PRPH: variants seen among roughly 807,000 people sequenced by gnomAD.
PRPH encodes peripherin.
In PRPH, 48 loss-of-function variants were observed where a neutral mutation model predicts 52.6. The observed-to-expected ratio is 0.91, with a 90% CI of 0.72 to 1.16. PRPH has a LOEUF of 1.16. Among genes scored for constraint, PRPH ranks in the 50% most tolerant of loss-of-function variants. The pLI, the probability that PRPH is intolerant of heterozygous loss-of-function variation, is 0.00. For missense variants in PRPH, 579 were observed against 635.7 expected (o/e 0.91, Z 0.96); for synonymous variants, 279 against 283.8 (o/e 0.98, Z 0.17).
At chr12:49,295,844 GC>G (rs1943171038) in intron 1 of PRPH, 99 bp downstream of exon 1, 2 of 1,438,856 alleles carry the variant, frequency 1.4e-6, no homozygotes, top group Non-Finnish European at 1.8e-6. Flanking sequence ...TCCATCAGCA[GC>G]CCAAGGGTGT....
At position 49,297,756 on chromosome 12, in the gene PRPH, C is replaced by G. The variant is rs748846726; in HGVS notation, c.1267+30C>G. 6.2e-7 allele frequency: 1 copy of G among 1,611,780 alleles called. No individual in the cohort carries two copies. Among genetic ancestry groups the G allele is most frequent in the South Asian group, 1.1e-5 (1 of 91,070 alleles). On this transcript the variant is annotated intron_variant, in intron 7 of 8. Coordinates refer to ENST00000257860, the MANE Select transcript of PRPH (RefSeq NM_006262.4). This position sits in a 1 kb window ranked among gnomAD's most constrained non-coding sequence, Gnocchi z 4.4. ...GTCTGGCTTACAGCCTGTACCTCTC[C>G]TTGTCCACTTCTGCCCTCCTCGGGC...
Position 49,296,673 on chromosome 12 carries a change from C to A in PRPH, c.702+146C>A. On this transcript the variant is annotated intron_variant, in intron 3 of 8. Transcript: ENST00000257860. The surrounding 1 kb of genome is among the most constrained non-coding windows in gnomAD (Gnocchi z 5.1). The stretch of plus-strand genomic sequence containing the variant: ...CCACCCTAGTCTACAGGTGGTTAGA[C>A]TCCCACCCTTGCGCCACCTGGCGGC... The A allele has an allele frequency of 1.8e-6, 2 of 1,098,234 alleles. No homozygotes were observed. The highest frequency in any genetic ancestry group is 2.7e-6 in the Non-Finnish European group (2 of 752,044). 68.0% of individuals were successfully genotyped at this position (1,098,234 alleles called of 1,614,324 possible).
Position 49,297,571 on chromosome 12 carries a change from A to G in PRPH, c.1211A>G (p.Glu404Gly). 7.2e-7 allele frequency: 1 copy of G among 1,380,732 alleles called. No individual in the cohort carries two copies. The highest frequency in any genetic ancestry group is 1.9e-5 in the Admixed American group (1 of 51,782). 85.5% of individuals were successfully genotyped at this position (1,380,732 alleles called of 1,614,324 possible). Residue 404 changes from glutamate to glycine, a missense_variant, in exon 6 of 9, where the codon GAG (glutamate) becomes GGG (glycine). By Grantham distance (98) the Glu-to-Gly change is moderately conservative (BLOSUM62 -2). Coordinates refer to ENST00000257860, the MANE Select transcript of PRPH (RefSeq NM_006262.4). The surrounding 1 kb of genome is among the most constrained non-coding windows in gnomAD (Gnocchi z 4.4). ...ATYRKLLEGE[E>G]SRISVPVHSF... ...TACCGCAAGCTGCTGGAGGGCGAGG[A>G]GAGCCGGTGAGGGTGGAGCTGCTGG...
In PRPH at chr12:49,297,184, G is replaced by C. The variant is rs771193001; in HGVS notation, c.907G>C (p.Glu303Gln). 1 of 1,613,906 alleles carries C rather than the reference G, an allele frequency of 6.2e-7. No individual in the cohort carries two copies. The highest frequency in any genetic ancestry group is 8.5e-7 in the Non-Finnish European group (1 of 1,179,988). ...GTCCGACGCTGCCAACCGGAACCAC[G>C]AGGCCCTGCGCCAGGCCAAGCAGGA... ...DLSDAANRNH[E>Q]ALRQAKQEMN... The change falls in exon 5 of 9, where the codon GAG becomes CAG. Residue 303 changes from glutamate to glutamine, a missense_variant. Physicochemically the swap from Glu to Gln is conservative, Grantham distance 29. Coordinates refer to ENST00000257860, the MANE Select transcript of PRPH (RefSeq NM_006262.4). The surrounding 1 kb of genome is among the most constrained non-coding windows in gnomAD (Gnocchi z 4.4).
chr12:49,297,360 G>T lies in PRPH; in HGVS notation c.1000G>T (p.Glu334Ter), dbSNP rs774723000. ...CEVDGLRGTN[E>*]ALLRQLRELE... ...CCCTTCCACTCTCCTACCCCAGAAC[G>T]AGGCGCTGCTCAGGCAGTTGAGAGA... The change falls in exon 6 of 9, where the codon GAG (glutamate) becomes TAG (stop). Residue 334 changes from glutamate (E) to a stop codon, truncating the protein, a stop_gained. Transcript: ENST00000257860. LOFTEE classifies it high-confidence loss of function. The surrounding 1 kb of genome is among the most constrained non-coding windows in gnomAD (Gnocchi z 4.4). 3 of 1,613,628 alleles carry T rather than the reference G, an allele frequency of 1.9e-6. No homozygotes were observed. Among genetic ancestry groups the T allele is most frequent in the African/African-American group, 1.3e-5 (1 of 75,044 alleles).
In PRPH at chr12:49,296,134, G is replaced by A. The variant is rs201983319; in HGVS notation, c.546-44G>A. On this transcript the variant is annotated intron_variant, in intron 1 of 8. Coordinates refer to ENST00000257860, the MANE Select transcript of PRPH (RefSeq NM_006262.4). This position sits in a 1 kb window ranked among gnomAD's most constrained non-coding sequence, Gnocchi z 5.1. ...GGCGTGCGGTCTGGGGTGCGAGCTGGGCGGCGACCCCGCAGTTCAGCCTCT... is the reference window on the plus strand; with the variant it reads ...GGCGTGCGGTCTGGGGTGCGAGCTGAGCGGCGACCCCGCAGTTCAGCCTCT... The A allele has an allele frequency of 7.5e-4, 1,203 of 1,595,432 alleles. 1 individual carries two copies. Among genetic ancestry groups the A allele is most frequent in the Non-Finnish European group, 1.0e-3 (1,179 of 1,171,642 alleles).
In PRPH at chr12:49,297,961, C is replaced by T. The variant is rs1565659564; in HGVS notation, c.1271C>T (p.Pro424Leu). ...CCCTTTATCCTGCTTTCTTCAGTGC[C>T]TGAGGTGGAGCCTCCCCAGGACAGC... ...FASLNIKTTVPEVEPPQDSHS... is the reference protein window; with the variant it reads ...FASLNIKTTVLEVEPPQDSHS... The change falls in exon 8 of 9, where the codon CCT becomes CTT. Residue 424 changes from proline (P) to leucine (L), a missense_variant. By Grantham distance (98) the Pro-to-Leu change is moderately conservative. Transcript: ENST00000257860. The surrounding 1 kb of genome is among the most constrained non-coding windows in gnomAD (Gnocchi z 4.4). 1 of 1,614,170 alleles carries T rather than the reference C, an allele frequency of 6.2e-7. No individual in the cohort carries two copies. The highest frequency in any genetic ancestry group is 8.5e-7 in the Non-Finnish European group (1 of 1,180,026).
rs533967824 is a variant in PRPH, at chr12:49,297,138, C to A, written c.871-10C>A. ...AGCCGACTAAAGCCTGGGTTACCCCCACTTCTCAGTACGCGGACCTGTCCG... is the reference window on the plus strand; with the variant it reads ...AGCCGACTAAAGCCTGGGTTACCCCAACTTCTCAGTACGCGGACCTGTCCG... On this transcript the variant is annotated splice_polypyrimidine_tract_variant and intron_variant, in intron 4 of 8. Transcript: ENST00000257860. The surrounding 1 kb of genome is among the most constrained non-coding windows in gnomAD (Gnocchi z 4.4). 1.2e-6 allele frequency: 2 copies of A among 1,614,022 alleles called. No individual in the cohort carries two copies. The highest frequency in any genetic ancestry group is 2.2e-5 in the East Asian group (1 of 44,864).
intron 1 of PRPH, 160 bp downstream of exon 1, chr12:49,295,905 G>A (rs577624648): frequency 6.9e-7 from 1 of 1,441,608 alleles, no homozygotes; most frequent in South Asian, 1.5e-5. Context: ...CTGCCCACGG[G>A]CTCCAAGTGC....
Position 49,297,823 on chromosome 12 carries a change from A to C in PRPH, c.1267+97A>C. The C allele has an allele frequency of 6.3e-7, 1 of 1,597,178 alleles. No individual in the cohort carries two copies. The highest frequency in any genetic ancestry group is 8.6e-7 in the Non-Finnish European group (1 of 1,165,228). ...CTCAGGGATCTCTTCTCCCCACGGA[A>C]CTTCTGGGTCCTGGCCTGTACCCAC... On this transcript the variant is annotated intron_variant, in intron 7 of 8. Coordinates refer to ENST00000257860, the MANE Select transcript of PRPH (RefSeq NM_006262.4). The surrounding 1 kb of genome is among the most constrained non-coding windows in gnomAD (Gnocchi z 4.4).
chr12:49,297,549 C>G lies in PRPH; in HGVS notation c.1189C>G (p.Arg397Gly), dbSNP rs1273943639. ...MALDIEIATY[R>G]KLLEGEESRI... is the part of the protein sequence containing the mutation. ...CCTGGACATCGAGATCGCCACCTAC[C>G]GCAAGCTGCTGGAGGGCGAGGAGAG... The change falls in exon 6 of 9, where the codon CGC becomes GGC. Residue 397 changes from arginine to glycine, a missense_variant. Arg to Gly is a moderately radical substitution (Grantham distance 125). Coordinates refer to ENST00000257860, the MANE Select transcript of PRPH (RefSeq NM_006262.4). This position sits in a 1 kb window ranked among gnomAD's most constrained non-coding sequence, Gnocchi z 4.4. 4 of 1,611,354 alleles carry G rather than the reference C, an allele frequency of 2.5e-6. No homozygotes were observed. Among genetic ancestry groups the G allele is most frequent in the South Asian group, 1.1e-5 (1 of 90,982 alleles).
At position 49,296,651 on chromosome 12, in the gene PRPH, C is replaced by A. The variant is rs1356146966; in HGVS notation, c.702+124C>A. 2 of 1,112,452 alleles carry A rather than the reference C, an allele frequency of 1.8e-6. No homozygotes were observed. Among genetic ancestry groups the A allele is most frequent in the African/African-American group, 3.1e-5 (2 of 64,764 alleles). The allele number at this position is 1,112,452 out of a possible 1,614,324, so 68.9% of individuals were successfully genotyped here. A position where few individuals can be genotyped will look rare whatever the true frequency, so the allele number is the denominator to read the frequency against. On this transcript the variant is annotated intron_variant, in intron 3 of 8. Transcript: ENST00000257860. The surrounding 1 kb of genome is among the most constrained non-coding windows in gnomAD (Gnocchi z 5.1). ...ATGCTGGGTAGACGCAGCCCCTCCACCCTAGTCTACAGGTGGTTAGACTCC... is the reference window on the plus strand; with the variant it reads ...ATGCTGGGTAGACGCAGCCCCTCCAACCTAGTCTACAGGTGGTTAGACTCC...
Position 49,296,123 on chromosome 12 carries a change from G to A in PRPH, c.546-55G>A. 2.5e-6 allele frequency: 4 copies of A among 1,569,348 alleles called. No individual in the cohort carries two copies. The highest frequency in any genetic ancestry group is 2.3e-5 in the East Asian group (1 of 44,070). On this transcript the variant is annotated intron_variant, in intron 1 of 8. Coordinates refer to ENST00000257860, the MANE Select transcript of PRPH (RefSeq NM_006262.4). This position sits in a 1 kb window ranked among gnomAD's most constrained non-coding sequence, Gnocchi z 5.1. Reference sequence around the variant, plus strand: ...GGATCCTGGGGGGCGTGCGGTCTGGGGTGCGAGCTGGGCGGCGACCCCGCA... The same window carrying A: ...GGATCCTGGGGGGCGTGCGGTCTGGAGTGCGAGCTGGGCGGCGACCCCGCA...
At position 49,296,623 on chromosome 12, in the gene PRPH, A is replaced by G; in HGVS notation, c.702+96A>G. On this transcript the variant is annotated intron_variant, in intron 3 of 8. Coordinates refer to ENST00000257860, the MANE Select transcript of PRPH (RefSeq NM_006262.4). The surrounding 1 kb of genome is among the most constrained non-coding windows in gnomAD (Gnocchi z 5.1). ...CGGAGGCATCGCCCTGGGGATCAGG[A>G]CGATGCTGGGTAGACGCAGCCCCTC... The G allele has an allele frequency of 1.6e-6, 2 of 1,236,888 alleles. No individual in the cohort carries two copies. The highest frequency in any genetic ancestry group is 1.2e-6 in the Non-Finnish European group (1 of 858,208). The allele number at this position is 1,236,888 out of a possible 1,614,324, so 76.6% of individuals were successfully genotyped here.
Position 49,297,916 on chromosome 12 carries a change from C to T in PRPH, c.1268-42C>T, listed in dbSNP as rs1943210621. ...CAGTGGGAGCCTAAGAGGAGAGATTCCCACGCCTTCCCCCTTGAACCCTTT... is the reference window on the plus strand; with the variant it reads ...CAGTGGGAGCCTAAGAGGAGAGATTTCCACGCCTTCCCCCTTGAACCCTTT... On this transcript the variant is annotated intron_variant, in intron 7 of 8. Transcript: ENST00000257860. The surrounding 1 kb of genome is among the most constrained non-coding windows in gnomAD (Gnocchi z 4.4). 1 of 1,608,478 alleles carries T rather than the reference C, an allele frequency of 6.2e-7. No individual in the cohort carries two copies. Among genetic ancestry groups the T allele is most frequent in the South Asian group, 1.1e-5 (1 of 90,966 alleles).
In PRPH at chr12:49,297,039, G is replaced by A. The variant is rs769538569; in HGVS notation, c.853G>A (p.Glu285Lys). Reference protein sequence around the residue: ...IAAKNLQEAEEWYKSKYADLS... With the variant: ...IAAKNLQEAEKWYKSKYADLS... ...CGCGAAGAACCTGCAGGAGGCGGAG[G>A]AGTGGTACAAGTCCAAGGTGCAAGA... Residue 285 changes from glutamate (E) to lysine (K), a missense_variant, in exon 4 of 9, where the codon GAG (glutamate) becomes AAG (lysine). Coordinates refer to ENST00000257860, the MANE Select transcript of PRPH (RefSeq NM_006262.4). The surrounding 1 kb of genome is among the most constrained non-coding windows in gnomAD (Gnocchi z 4.4). 6 of 1,613,936 alleles carry A rather than the reference G, an allele frequency of 3.7e-6. No individual in the cohort carries two copies. The Admixed American group carries it at 8.3e-5, about 22-fold the overall frequency.
At position 49,296,454 on chromosome 12, in the gene PRPH, C is replaced by A. The variant is rs1248480832; in HGVS notation, c.629C>A (p.Ser210Tyr). 1.2e-6 allele frequency: 2 copies of A among 1,614,204 alleles called. No individual in the cohort carries two copies. Among genetic ancestry groups the A allele is most frequent in the Admixed American group, 3.3e-5 (2 of 60,022 alleles). ...FRKDVDDATL[S>Y]RLELERKIES... is the part of the protein sequence containing the mutation. The stretch of plus-strand genomic sequence containing the variant: ...AAGGACGTGGACGATGCCACTCTGT[C>A]CCGCCTGGAACTAGAGCGCAAGATT... The change falls in exon 3 of 9, where the codon TCC (serine) becomes TAC (tyrosine). Residue 210 changes from serine to tyrosine, a missense_variant. By Grantham distance (144) the Ser-to-Tyr change is moderately radical. Coordinates refer to ENST00000257860, the MANE Select transcript of PRPH (RefSeq NM_006262.4). This position sits in a 1 kb window ranked among gnomAD's most constrained non-coding sequence, Gnocchi z 5.1.
Position 49,298,565 on chromosome 12 carries a change from A to C in PRPH, c.*212A>C. On this transcript the variant is annotated 3_prime_UTR_variant, in exon 9 of 9. Transcript: ENST00000257860. ...ATGTGACCTATGTGCTTCCCTTTTC[A>C]TGTCCCGATAAGAAGCCAATGATCC... 1.7e-6 allele frequency: 1 copy of C among 578,838 alleles called. No homozygotes were observed. The highest frequency in any genetic ancestry group is 2.9e-5 in the East Asian group (1 of 34,450). The allele number at this position is 578,838 out of a possible 1,614,324, so 35.9% of individuals were successfully genotyped here.
In PRPH at chr12:49,296,852, G is replaced by C; in HGVS notation, c.703-37G>C. The stretch of plus-strand genomic sequence containing the variant: ...GAACTGCGTGGCCCGCGTGGAATTT[G>C]CGCCGCTGTCCATCCTCTGCCTGCT... On this transcript the variant is annotated intron_variant, in intron 3 of 8. Coordinates refer to ENST00000257860, the MANE Select transcript of PRPH (RefSeq NM_006262.4). This position sits in a 1 kb window ranked among gnomAD's most constrained non-coding sequence, Gnocchi z 5.1. The C allele has an allele frequency of 6.3e-7, 1 of 1,585,580 alleles. No individual in the cohort carries two copies. The highest frequency in any genetic ancestry group is 1.3e-5 in the African/African-American group (1 of 74,132).
Sources: allele counts gnomAD v4.1 joint callset, GRCh38; gene constraint gnomAD v4.1.1; non-coding constraint Gnocchi (gnomAD v3.1); transcripts MANE v1.5; gene names NCBI Gene and HGNC (gene_info 2026-07-23, HGNC 2026-07-21).